PALS1: variants seen among roughly 807,000 people sequenced by gnomAD.
The protein encoded by PALS1 is protein associated with LIN7 1, MAGUK p55 family member.
In PALS1, 31 loss-of-function variants were observed where a neutral mutation model predicts 78.9. The observed-to-expected ratio is 0.39, with a 90% CI of 0.30 to 0.53. PALS1 has a LOEUF of 0.53. PALS1 is among the 20% of genes least tolerant of loss of function. The pLI is 0.67. For synonymous variants in PALS1, 276 were observed against 270.9 expected (o/e 1.02, Z -0.18); for missense variants, 704 against 826.5 (o/e 0.85, Z 1.82).
intron 3 of PALS1, among the ~76,000 whole-genome samples, chr14:67,287,009 G>C (rs1465816855): frequency 6.6e-6 from 1 of 152,136 alleles, no homozygotes; most frequent in African/African-American, 2.4e-5. Context: ...CTTGAGTCCA[G>C]GAGTTCAAGA....
chr14:67,258,558 A>T (rs1386265937), intron 1 of PALS1, among the ~76,000 whole-genome samples: 2 of 152,108 alleles, frequency 1.3e-5, no homozygotes, highest in African/African-American at 4.8e-5. Flanking sequence ...AGTAGCTGGG[A>T]CTATAGGCAC....
rs1311504678 is a variant in PALS1 at position 67,317,329 on chromosome 14, A to C, written c.1298-79A>C. ...AAATTTAAAGAATAAATGAATGAAT[A>C]AATAGAGTTCTTCAATTTGAGTTAT... On this transcript the variant is annotated intron_variant, in intron 10 of 14. Coordinates refer to ENST00000261681, the MANE Select transcript of PALS1 (RefSeq NM_022474.4). 5 of 1,247,354 alleles carry C rather than the reference A, an allele frequency of 4.0e-6. No individual in the cohort carries two copies. The South Asian group carries it at 6.8e-5, about 17-fold the overall frequency. The allele number at this position is 1,247,354 out of a possible 1,614,324, so 77.3% of individuals were successfully genotyped here. A position where few individuals can be genotyped will look rare whatever the true frequency, so the allele number is the denominator to read the frequency against.
intron 5 of PALS1, 136 bp from the exon 6 acceptor site, chr14:67,301,836 T>A (rs1049223655): frequency 2.0e-6 from 2 of 1,013,244 alleles, no homozygotes; most frequent in Non-Finnish European, 2.7e-6. Flanking sequence ...ACTTAACACA[T>A]CTTTATTATT....
chr14:67,246,870 T>G (rs1210281638), intron 1 of PALS1, among the ~76,000 whole-genome samples: 1 of 152,162 alleles, frequency 6.6e-6, no homozygotes, highest in Non-Finnish European at 1.5e-5. Context: ...CAGGATGGTC[T>G]TGATCTCCTG....
chr14:67,258,862 G>C (rs1483319672), intron 1 of PALS1, among the ~76,000 whole-genome samples: 1 of 151,944 alleles, frequency 6.6e-6, no homozygotes, highest in Non-Finnish European at 1.5e-5. Context: ...CTTCTTTTGA[G>C]ATGGAGTCTC....
At chr14:67,315,853 A>G (rs973481709) in intron 9 of PALS1, among the ~76,000 whole-genome samples, 2 of 152,236 alleles carry the variant, frequency 1.3e-5, no homozygotes, top group African/African-American at 4.8e-5. Context: ...TGAACCTGGA[A>G]GGCGGAGGTT....
At chr14:67,290,495 C>G (rs72717378) in intron 3 of PALS1, among the ~76,000 whole-genome samples, 8,386 of 152,290 alleles carry the variant, frequency 0.055, 317 homozygotes, top group Non-Finnish European at 0.087. Flanking sequence ...TCTCCCACCT[C>G]AGCCTAATGA....
chr14:67,250,812 T>G (rs1438503987), intron 1 of PALS1, among the ~76,000 whole-genome samples: 2 of 152,236 alleles, frequency 1.3e-5, no homozygotes, highest in African/African-American at 4.8e-5. Flanking sequence ...CTTCTGTTTT[T>G]TATACCTTAT....
intron 1 of PALS1, among the ~76,000 whole-genome samples, chr14:67,255,338 C>T (rs1453787221): frequency 1.3e-5 from 2 of 152,028 alleles, no homozygotes; most frequent in South Asian, 2.1e-4. Context: ...GAGTTATTTA[C>T]GTGATGAAAG....
chr14:67,288,964 CTTTTTTTT>C (rs36044460), intron 3 of PALS1, among the ~76,000 whole-genome samples: 2 of 107,078 alleles, frequency 1.9e-5, no homozygotes, highest in Non-Finnish European at 4.0e-5. Flanking sequence ...TCTTTATTTC[CTTTTTTTT>C]TTTTTTTTTT....
At chr14:67,316,683 T>C (rs1331207614) in intron 9 of PALS1, 149 bp from the exon 10 acceptor site, 2 of 535,946 alleles carry the variant, frequency 3.7e-6, no homozygotes, top group Non-Finnish European at 6.5e-6. Flanking sequence ...TTACACATCA[T>C]AGCTGACATT....
rs1053436430 is a variant in PALS1 at position 67,320,319 on chromosome 14, C to T, written c.1459C>T (p.Pro487Ser). Residue 487 changes from proline (P) to serine (S), a missense_variant, in exon 12 of 15, where the codon CCA (proline) becomes TCA (serine). Transcript: ENST00000261681. The stretch of plus-strand genomic sequence containing the variant: ...GAAGAGACCTATCATCTTGATTGGT[C>T]CACAGAACTGTGGCCAGAATGAATT... The part of the protein sequence containing the change: ...NRKRPIILIG[P>S]QNCGQNELRQ... The T allele has an allele frequency of 5.0e-6, 8 of 1,613,662 alleles. No homozygotes were observed. The highest frequency in any genetic ancestry group is 6.8e-6 in the Non-Finnish European group (8 of 1,179,906).
At chr14:67,332,702 C>A in intron 14 of PALS1, 78 bp from the exon 15 acceptor site, 1 of 1,428,966 alleles carries the variant, frequency 7.0e-7, no homozygotes, top group Non-Finnish European at 9.5e-7. Flanking sequence ...GCTCCTTGTT[C>A]TTTGGCCATC....
At chr14:67,247,108 T>C (rs2083999477) in intron 1 of PALS1, among the ~76,000 whole-genome samples, 2 of 152,222 alleles carry the variant, frequency 1.3e-5, no homozygotes, top group African/African-American at 4.8e-5. Flanking sequence ...TTGATTGAGA[T>C]TGTGTCTAAT....
chr14:67,328,749 T>G (rs1290723619), intron 14 of PALS1, among the ~76,000 whole-genome samples: 3 of 152,196 alleles, frequency 2.0e-5, no homozygotes, highest in Admixed American at 2.0e-4. Context: ...TTTCCCCATT[T>G]CTTCTTTTTG....
intron 14 of PALS1, among the ~76,000 whole-genome samples, chr14:67,325,041 A>G (rs142588511): frequency 2.0e-5 from 3 of 151,208 alleles, no homozygotes; most frequent in African/African-American, 4.9e-5. Context: ...AGCAGCTGGG[A>G]CTACAGGTGC....
chr14:67,307,286 A>T (rs2085019095), intron 8 of PALS1, among the ~76,000 whole-genome samples: 1 of 149,908 alleles, frequency 6.7e-6, no homozygotes. Context: ...CTAGTTTGTA[A>T]AACTTTAGAT....
At chr14:67,327,882 C>G (rs1473312899) in intron 14 of PALS1, among the ~76,000 whole-genome samples, 1 of 152,158 alleles carries the variant, frequency 6.6e-6, no homozygotes, top group African/African-American at 2.4e-5. Flanking sequence ...TTAATCCAGT[C>G]TATCATTGAT....
At chr14:67,321,295 G>C (rs757170055) in intron 13 of PALS1, 36 bp downstream of exon 13, 1 of 1,600,208 alleles carries the variant, frequency 6.2e-7, no homozygotes, top group South Asian at 1.1e-5. Flanking sequence ...TTTGAACTTA[G>C]AAGGAATGTC....
Sources: allele counts gnomAD v4.1 joint callset (sites outside exome capture counted in the v4.1 genomes callset), GRCh38; gene constraint gnomAD v4.1.1; transcripts MANE v1.5; gene names NCBI Gene and HGNC (gene_info 2026-07-23, HGNC 2026-07-21).